Variants in SNX13 observed in about 807,000 individuals in gnomAD.
The protein encoded by SNX13 is sorting nexin-13.
Under a neutral mutation model 133.6 loss-of-function variants are expected in SNX13, and 45 were observed. The observed-to-expected ratio is 0.34, with a 90% CI of 0.27 to 0.43. SNX13 has a LOEUF of 0.43. Ranked by LOEUF, SNX13 falls within the 20% of genes least tolerant of loss-of-function variation. The pLI, the probability that SNX13 is intolerant of heterozygous loss-of-function variation, is 1.00. For missense variants in SNX13, 1,032 were observed against 1,145.1 expected (o/e 0.90, Z 1.43); for synonymous variants, 414 against 373.9 (o/e 1.11, Z -1.24).
At chr7:17,924,891 G>A (rs972802873) in intron 1 of SNX13, among the ~76,000 whole-genome samples, 7 of 152,002 alleles carry the variant, frequency 4.6e-5, no homozygotes, top group African/African-American at 1.4e-4. Context: ...ATTGTACAAC[G>A]CCACTCATAT....
At chr7:17,869,080 T>C (rs984287764) in intron 8 of SNX13, among the ~76,000 whole-genome samples, 13 of 152,138 alleles carry the variant, frequency 8.5e-5, no homozygotes, top group Non-Finnish European at 1.9e-4. Flanking sequence ...TGCAGTTGTT[T>C]ATGTTCCTAT....
intron 5 of SNX13, among the ~76,000 whole-genome samples, chr7:17,877,524 A>G (rs906729678): frequency 1.3e-5 from 2 of 152,098 alleles, no homozygotes; most frequent in African/African-American, 4.8e-5. Flanking sequence ...TAAAAGGTTC[A>G]TTTTGACAAA....
chr7:17,859,200 TAAAG>T (rs1792309663), intron 9 of SNX13, among the ~76,000 whole-genome samples: 1 of 152,018 alleles, frequency 6.6e-6, no homozygotes, highest in Admixed American at 6.5e-5. Flanking sequence ...ATATATCTGA[TAAAG>T]AACTTCTATG....
At chr7:17,857,419 C>G (rs569012772) in intron 9 of SNX13, among the ~76,000 whole-genome samples, 68 of 152,254 alleles carry the variant, frequency 4.5e-4, no homozygotes, top group Admixed American at 1.2e-3. Context: ...CAACACCAGA[C>G]AAGGACACAA....
intron 2 of SNX13, among the ~76,000 whole-genome samples, chr7:17,895,398 A>T (rs1039064260): frequency 6.6e-6 from 1 of 152,186 alleles, no homozygotes; most frequent in Non-Finnish European, 1.5e-5. Context: ...TCTTTCCAAA[A>T]GCATTCTTTA....
rs777643103 is a variant in SNX13, at chr7:17,793,823, G to A, written c.*222C>T. The A allele has an allele frequency of 3.8e-5, 17 of 451,274 alleles. No homozygotes were observed. Among genetic ancestry groups the A allele is most frequent in the Non-Finnish European group, 4.9e-5 (13 of 266,880 alleles). The allele number at this position is 451,274 out of a possible 1,614,324, so 28.0% of individuals were successfully genotyped here. A position where few individuals can be genotyped will look rare whatever the true frequency, so the allele number is the denominator to read the frequency against. On this transcript the variant is annotated 3_prime_UTR_variant, in exon 26 of 26. Transcript: ENST00000428135. ...ATGGGGGCAGTTTTCTCTCAATGTT[G>A]CAAAATATGCACCAAATCATTTAAG... is the stretch of plus-strand genomic sequence containing the variant.
At position 17,934,505 on chromosome 7, in the gene SNX13, G is replaced by A. The variant is rs565843403; in HGVS notation, c.12+5779C>T. 3.9e-5 allele frequency among the ~76,000 whole-genome samples: 6 copies of A among 152,308 alleles called. No homozygotes were observed. In the South Asian group the frequency reaches 1.2e-3, roughly 32 times the overall value. On this transcript the variant is annotated intron_variant, in intron 1 of 25. Transcript: ENST00000428135. ...TGTGAGTCTGAGTAGACTACCTGGA[G>A]GTCTGCCTTCCATGTGGGCAGGCAC...
At chr7:17,903,938 G>T (rs541887304) in intron 1 of SNX13, among the ~76,000 whole-genome samples, 1 of 152,076 alleles carries the variant, frequency 6.6e-6, no homozygotes, top group Non-Finnish European at 1.5e-5. Flanking sequence ...GTTTCAAAGG[G>T]TGTCTACTTA....
chr7:17,936,365 T>C (rs1393481200), intron 1 of SNX13, among the ~76,000 whole-genome samples: 2 of 152,212 alleles, frequency 1.3e-5, no homozygotes, highest in Admixed American at 6.5e-5. Context: ...AGTGTTAATA[T>C]TGAAAAAGCA....
intron 15 of SNX13, chr7:17,831,980 C>T (rs1788541330): frequency 1.0e-6 from 1 of 983,008 alleles, no homozygotes; most frequent in African/African-American, 1.8e-5. Flanking sequence ...TGAATGGTTT[C>T]AAAAAAGGGA....
At chr7:17,846,662 GA>G (rs1201252742) in intron 11 of SNX13, among the ~76,000 whole-genome samples, 3 of 150,264 alleles carry the variant, frequency 2.0e-5, no homozygotes, top group Non-Finnish European at 4.4e-5. Flanking sequence ...AAAATGTAGA[GA>G]ATTAAAAAAA....
At chr7:17,795,355 A>G (rs1453641540) in intron 25 of SNX13, 1 of 151,654 alleles carries the variant, frequency 6.6e-6, no homozygotes, top group Non-Finnish European at 1.5e-5. Flanking sequence ...TTATCTAACT[A>G]GGGGTAAGAT....
At chr7:17,834,414 G>A (rs1788889841) in intron 14 of SNX13, among the ~76,000 whole-genome samples, 1 of 151,638 alleles carries the variant, frequency 6.6e-6, no homozygotes, top group Non-Finnish European at 1.5e-5. Flanking sequence ...CACATTCTAG[G>A]AATTGTTTTC....
chr7:17,842,492 C>CT (rs1213451121), intron 12 of SNX13, among the ~76,000 whole-genome samples: 1 of 151,906 alleles, frequency 6.6e-6, no homozygotes, highest in African/African-American at 2.4e-5. Flanking sequence ...TAGATAGTAA[C>CT]TTAGTACTTT....
rs1421559513 is a variant in SNX13 at position 17,839,790 on chromosome 7, T to C, written c.1359+17A>G. The stretch of plus-strand genomic sequence containing the variant: ...ATACTGCTAAAGAAGAAAACAGTAA[T>C]CAAAATACAGCCTCACCTTTTCTGA... On this transcript the variant is annotated intron_variant, in intron 13 of 25. Transcript: ENST00000428135. 7.7e-6 allele frequency: 12 copies of C among 1,563,490 alleles called. No homozygotes were observed. The highest frequency in any genetic ancestry group is 1.0e-5 in the Non-Finnish European group (12 of 1,157,200).
At chr7:17,868,607 G>C in intron 8 of SNX13, 117 bp from the exon 9 acceptor site, 4 of 706,186 alleles carry the variant, frequency 5.7e-6, no homozygotes, top group Non-Finnish European at 9.2e-6. Context: ...CATGTAACTA[G>C]GACTTGATAA....
At chr7:17,829,139 G>C (rs564670562) in intron 16 of SNX13, among the ~76,000 whole-genome samples, 1 of 151,656 alleles carries the variant, frequency 6.6e-6, no homozygotes, top group East Asian at 1.9e-4. Context: ...TTTAGAAGCA[G>C]ACATGGTAGT....
chr7:17,811,920 G>A (rs1786085632), intron 20 of SNX13, among the ~76,000 whole-genome samples: 2 of 152,112 alleles, frequency 1.3e-5, no homozygotes, highest in South Asian at 4.2e-4. Flanking sequence ...TTAATAAATG[G>A]TGTTGGAAAA....
intron 16 of SNX13, 77 bp downstream of exon 16, chr7:17,829,933 T>C: frequency 9.6e-7 from 1 of 1,044,528 alleles, no homozygotes; most frequent in Non-Finnish European, 1.4e-6. Context: ...TATATATCAT[T>C]TATTTATATA....
Sources: allele counts gnomAD v4.1 joint callset (sites outside exome capture counted in the v4.1 genomes callset), GRCh38; gene constraint gnomAD v4.1.1; transcripts MANE v1.5; gene names NCBI Gene and HGNC (gene_info 2026-07-23, HGNC 2026-07-21).